The following LPP variants were observed in gnomAD, a reference collection of about 807,000 sequenced individuals.
The protein encoded by LPP is lipoma-preferred partner.
In LPP, 38 loss-of-function variants were observed where a neutral mutation model predicts 60.4. The observed-to-expected ratio is 0.63, with a 90% CI of 0.49 to 0.83. LPP has a LOEUF of 0.83. Among genes scored for constraint, LPP ranks in the 40% least tolerant of loss-of-function variants. The probability of loss-of-function intolerance (pLI) is 0.00; values close to 1 mark genes in which losing one functional copy is unlikely to be tolerated. For missense variants in LPP, 902 were observed against 783.6 expected (o/e 1.15, Z -1.80); for synonymous variants, 328 against 290.8 (o/e 1.13, Z -1.30).
chr3:188,691,413 A>G (rs1377207112), intron 7 of LPP, among the ~76,000 whole-genome samples: 1 of 152,214 alleles, frequency 6.6e-6, no homozygotes, highest in Non-Finnish European at 1.5e-5. Flanking sequence ...CCTAATCAAG[A>G]TGCAGGGTGG....
chr3:188,409,341 T>C (rs543890348), intron 4 of LPP, among the ~76,000 whole-genome samples: 1 of 152,348 alleles, frequency 6.6e-6, no homozygotes, highest in African/African-American at 2.4e-5. Flanking sequence ...AGACAAATCT[T>C]GGGAACAGTT....
At chr3:188,172,137 C>G (rs1357825133) in intron 1 of LPP, among the ~76,000 whole-genome samples, 1 of 152,168 alleles carries the variant, frequency 6.6e-6, no homozygotes, top group East Asian at 1.9e-4. Context: ...TTTGCTTCCT[C>G]TTCTTTTGTA....
At chr3:188,373,838 T>G (rs1177921989) in intron 3 of LPP, among the ~76,000 whole-genome samples, 2 of 151,810 alleles carry the variant, frequency 1.3e-5, no homozygotes, top group Non-Finnish European at 2.9e-5. Context: ...TTTATGGTTT[T>G]AGGTCTAACG....
chr3:188,579,059 A>T (rs1835433871), intron 6 of LPP, among the ~76,000 whole-genome samples: 1 of 152,212 alleles, frequency 6.6e-6, no homozygotes, highest in Non-Finnish European at 1.5e-5. Context: ...GGGAGACTAA[A>T]AATAAACTTA....
At chr3:188,766,425 A>T (rs1392281950) in intron 9 of LPP, among the ~76,000 whole-genome samples, 2 of 151,888 alleles carry the variant, frequency 1.3e-5, no homozygotes, top group Non-Finnish European at 2.9e-5. Context: ...ATTGACATTA[A>T]CATTTGCTCA....
chr3:188,876,648 T>C lies in LPP; in HGVS notation c.*2169T>C. Reference sequence around the variant, plus strand: ...TTTGACTTAGTAACTTTTTATGTAATACTTTCGGAGAAATTCTCTTTAGGA... The same window carrying C: ...TTTGACTTAGTAACTTTTTATGTAACACTTTCGGAGAAATTCTCTTTAGGA... On this transcript the variant is annotated 3_prime_UTR_variant, in exon 12 of 12. Coordinates refer to ENST00000617246, the MANE Select transcript of LPP (RefSeq NM_001375462.1). 1 of 196,046 alleles carries C rather than the reference T, an allele frequency of 5.1e-6. No individual in the cohort carries two copies. Among genetic ancestry groups the C allele is most frequent in the East Asian group, 8.0e-5 (1 of 12,488 alleles). The allele number at this position is 196,046 out of a possible 1,614,324, so 12.1% of individuals were successfully genotyped here. A position where few individuals can be genotyped will look rare whatever the true frequency, so the allele number is the denominator to read the frequency against.
chr3:188,654,165 G>C (rs1294270523), intron 7 of LPP, among the ~76,000 whole-genome samples: 1 of 152,160 alleles, frequency 6.6e-6, no homozygotes, highest in Non-Finnish European at 1.5e-5. Context: ...TACACAAAGG[G>C]AAATCCAATT....
intron 1 of LPP, among the ~76,000 whole-genome samples, chr3:188,175,380 G>T (rs1398289798): frequency 6.6e-6 from 1 of 152,132 alleles, no homozygotes; most frequent in African/African-American, 2.4e-5. Context: ...GAGCCACCAC[G>T]CCCCACCTAG....
At chr3:188,375,147 A>G (rs1578429003) in intron 3 of LPP, among the ~76,000 whole-genome samples, 2 of 152,242 alleles carry the variant, frequency 1.3e-5, no homozygotes, top group Admixed American at 1.3e-4. Context: ...ATGTTCATCA[A>G]GGATATTGGT....
chr3:188,598,140 G>A (rs551858213), intron 6 of LPP, among the ~76,000 whole-genome samples: 2 of 152,220 alleles, frequency 1.3e-5, no homozygotes, highest in African/African-American at 2.4e-5. Context: ...GGCAACCACA[G>A]GATAGCTGGA....
chr3:188,282,323 C>T (rs1347741586), intron 2 of LPP, among the ~76,000 whole-genome samples: 1 of 152,082 alleles, frequency 6.6e-6, no homozygotes, highest in Non-Finnish European at 1.5e-5. Context: ...TCCACTGTTG[C>T]TTTGTATTTA....
At chr3:188,657,254 A>C in intron 7 of LPP, among the ~76,000 whole-genome samples, 1 of 100,594 alleles carries the variant, frequency 9.9e-6, no homozygotes, top group South Asian at 3.3e-4. Flanking sequence ...AGAGCTGTCA[A>C]GGTGTATATA....
intron 1 of LPP, among the ~76,000 whole-genome samples, chr3:188,190,709 T>C (rs943137896): frequency 6.6e-6 from 1 of 152,142 alleles, no homozygotes; most frequent in African/African-American, 2.4e-5. Flanking sequence ...TACATCCTAG[T>C]CCATAAGATT....
chr3:188,248,495 T>TATATATATATACATATAC (rs1358563921), intron 2 of LPP, among the ~76,000 whole-genome samples: 1 of 138,614 alleles, frequency 7.2e-6, no homozygotes, highest in African/African-American at 2.9e-5. Context: ...TATATATATA[T>TATATATATATACATATAC]ATACAGTCAG....
chr3:188,643,508 A>C (rs1850556033), intron 7 of LPP, among the ~76,000 whole-genome samples: 1 of 152,230 alleles, frequency 6.6e-6, no homozygotes, highest in African/African-American at 2.4e-5. Flanking sequence ...GCATGTGTGA[A>C]GCTCTCTGAT....
At chr3:188,492,151 A>G (rs1808557549) in intron 5 of LPP, among the ~76,000 whole-genome samples, 1 of 152,188 alleles carries the variant, frequency 6.6e-6, no homozygotes, top group African/African-American at 2.4e-5. Flanking sequence ...GGGATAACCA[A>G]TGAGGTTAGC....
At chr3:188,861,754 T>C (rs1765249911) in intron 9 of LPP, among the ~76,000 whole-genome samples, 1 of 152,232 alleles carries the variant, frequency 6.6e-6, no homozygotes, top group African/African-American at 2.4e-5. Context: ...GGGTTTTCTG[T>C]ACAAAGTTGA....
At chr3:188,666,274 CA>C (rs1855781664) in intron 7 of LPP, among the ~76,000 whole-genome samples, 1 of 152,184 alleles carries the variant, frequency 6.6e-6, no homozygotes, top group Non-Finnish European at 1.5e-5. Context: ...CAGTCTTCAC[CA>C]TTTCCTAACT....
At chr3:188,848,156 A>T (rs1761916780) in intron 9 of LPP, among the ~76,000 whole-genome samples, 1 of 152,198 alleles carries the variant, frequency 6.6e-6, no homozygotes, top group African/African-American at 2.4e-5. Flanking sequence ...TACAATAGTC[A>T]TTTGAGATTT....
Sources: gnomAD v4.1 joint callset for allele counts (sites outside exome capture counted in the v4.1 genomes callset) on GRCh38, gnomAD v4.1.1 for gene constraint, MANE v1.5 for transcripts, NCBI Gene and HGNC (gene_info 2026-07-23, HGNC 2026-07-21) for gene names.